Variants in TBX1 observed in about 807,000 individuals in gnomAD.
TBX1 encodes T-box transcription factor TBX1.
A neutral mutation model predicts 40.8 loss-of-function variants in TBX1; 16 were observed. That is an observed-to-expected ratio of 0.39 (90% CI 0.27 to 0.60). The LOEUF is 0.60. Among genes scored for constraint, TBX1 ranks in the 20% least tolerant of loss-of-function variants. The pLI, the probability that TBX1 is intolerant of heterozygous loss-of-function variation, is 0.51. For synonymous variants in TBX1, 403 were observed against 336.8 expected (o/e 1.20, Z -2.15); for missense variants, 755 against 728.5 (o/e 1.04, Z -0.42).
At chr22:19,768,395 C>A (rs1317341486), downstream of TBX1, among the ~76,000 whole-genome samples, 1 of 152,162 alleles carries the variant, frequency 6.6e-6, no homozygotes, top group Non-Finnish European at 1.5e-5. Flanking sequence ...AATTGAATGG[C>A]AGGAACCATT....
chr22:19,781,017 C>T (rs1453372011), downstream of TBX1, among the ~76,000 whole-genome samples: 1 of 151,974 alleles, frequency 6.6e-6, no homozygotes, highest in African/African-American at 2.4e-5. Context: ...CTCCTGACCT[C>T]GTGATCCACC....
chr22:19,774,398 G>C (rs1307223321), intron 8 of TBX1, among the ~76,000 whole-genome samples: 1 of 152,182 alleles, frequency 6.6e-6, no homozygotes, highest in African/African-American at 2.4e-5. Context: ...GAGTGACAGA[G>C]CAATATCTTG....
In TBX1 at chr22:19,766,612, G is replaced by A. The variant is rs763530229; in HGVS notation, c.1260G>A (p.Leu420=). The change falls in exon 7 of 7, where the codon CTG becomes CTA. Residue 420 remains leucine (L), a synonymous_variant. Transcript: ENST00000649276. ...RLEAPGASEP[L]HHHPYKYPAA... is the part of the protein sequence containing the mutation. ...AGGCGCCCGGCGCATCGGAGCCGCTGCACCACCACCCCTACAAATATCCGG... is the reference window on the plus strand; with the variant it reads ...AGGCGCCCGGCGCATCGGAGCCGCTACACCACCACCCCTACAAATATCCGG... 9 of 1,525,004 alleles carry A rather than the reference G, an allele frequency of 5.9e-6. No homozygotes were observed. Among genetic ancestry groups the A allele is most frequent in the Non-Finnish European group, 7.9e-6 (9 of 1,143,960 alleles). 94.5% of individuals were successfully genotyped at this position (1,525,004 alleles called of 1,614,324 possible). A position where few individuals can be genotyped will look rare whatever the true frequency, so the allele number is the denominator to read the frequency against.
Position 19,760,948 on chromosome 22 carries a change from C to T in TBX1, c.105C>T (p.Gly35=). The T allele has an allele frequency of 3.0e-6, 3 of 1,001,048 alleles. No homozygotes were observed. The highest frequency in any genetic ancestry group is 3.6e-6 in the Non-Finnish European group (3 of 839,142). The allele number at this position is 1,001,048 out of a possible 1,614,324, so 62.0% of individuals were successfully genotyped here. Residue 35 remains glycine, a synonymous_variant, in exon 1 of 7, where the codon GGC becomes GGT. Coordinates refer to ENST00000649276, the MANE Select transcript of TBX1 (RefSeq NM_001379200.1). The part of the protein sequence containing the change: ...SSLSSLGAAG[G]FPGAASPGAD... ...TGAGCAGCCTGGGGGCCGCGGGGGG[C>T]TTCCCGGGCGCCGCGTCGCCCGGCG...
rs774778199 is a variant in TBX1 at position 19,766,882 on chromosome 22, C to T, written c.*15C>T. ...GCCCCAGATAACACGGGCCCTGTCG[C>T]GCTCCCGCCCCGGTCCTGCACAGCC... On this transcript the variant is annotated 3_prime_UTR_variant, in exon 7 of 7. Coordinates refer to ENST00000649276, the MANE Select transcript of TBX1 (RefSeq NM_001379200.1). 6.3e-7 allele frequency: 1 copy of T among 1,584,610 alleles called. No individual in the cohort carries two copies. Among genetic ancestry groups the T allele is most frequent in the Non-Finnish European group, 8.5e-7 (1 of 1,173,700 alleles).
downstream of TBX1, among the ~76,000 whole-genome samples, chr22:19,767,744 G>T: frequency 6.6e-6 from 1 of 152,250 alleles, no homozygotes; most frequent in East Asian, 1.9e-4. Flanking sequence ...GCTTTTCCAT[G>T]GAAGCTGGGA....
chr22:19,780,537 C>T (rs962415770), downstream of TBX1, among the ~76,000 whole-genome samples: 1 of 152,212 alleles, frequency 6.6e-6, no homozygotes, highest in African/African-American at 2.4e-5. Context: ...ACTTGGGTTG[C>T]TCCCACCTGT....
intron 2 of TBX1, chr22:19,763,593 G>A (rs1936737923): frequency 5.5e-6 from 3 of 548,012 alleles, no homozygotes; most frequent in Admixed American, 3.1e-5. Context: ...GGGCTGGTGT[G>A]GCCCTAGGGT....
At chr22:19,782,884 G>A (rs1401584628), downstream of TBX1, 15 of 1,613,976 alleles carry the variant, frequency 9.3e-6, no homozygotes, top group Non-Finnish European at 1.3e-5. Flanking sequence ...CCCAGTGTAG[G>A]GATCTGTTTC....
intron 1 of TBX1, 93 bp downstream of exon 1, chr22:19,761,373 C>G: frequency 2.3e-6 from 3 of 1,326,790 alleles, no homozygotes; most frequent in Non-Finnish European, 2.9e-6. Flanking sequence ...GGGCCGAAAG[C>G]CGGGTCGGGG....
intron 1 of TBX1, 103 bp downstream of exon 1, chr22:19,761,383 G>A: frequency 7.8e-7 from 1 of 1,285,862 alleles, no homozygotes; most frequent in Non-Finnish European, 9.9e-7. Flanking sequence ...CCGGGTCGGG[G>A]GCGCGGCCTG....
intron 8 of TBX1, chr22:19,779,170 C>T (rs753227670): frequency 2.1e-5 from 33 of 1,603,998 alleles, no homozygotes; most frequent in Non-Finnish European, 2.7e-5. Context: ...AAGAGAGGCA[C>T]CTCTGACATG....
At chr22:19,773,808 G>A (rs1481102167) in intron 8 of TBX1, among the ~76,000 whole-genome samples, 1 of 152,236 alleles carries the variant, frequency 6.6e-6, no homozygotes, top group Admixed American at 6.5e-5. Context: ...CACCAGCGTG[G>A]TCTCCTTCCT....
Position 19,760,864 on chromosome 22 carries a change from C to T in TBX1, c.21C>T (p.Ser7=), listed in dbSNP as rs1380697846. 2.9e-6 allele frequency: 3 copies of T among 1,039,946 alleles called. No individual in the cohort carries two copies. Among genetic ancestry groups the T allele is most frequent in the Non-Finnish European group, 3.5e-6 (3 of 855,248 alleles). The allele number at this position is 1,039,946 out of a possible 1,614,324, so 64.4% of individuals were successfully genotyped here. A position where few individuals can be genotyped will look rare whatever the true frequency, so the allele number is the denominator to read the frequency against. MISAVS[S]PWLTQLSHFC... ...GGGTCATGATCTCCGCCGTGTCCAG[C>T]CCGTGGCTCACGCAGCTCTCGCATT... The change falls in exon 1 of 7, where the codon AGC becomes AGT. Residue 7 remains serine, a synonymous_variant. Transcript: ENST00000649276.
chr22:19,758,234 A>G (rs1341673475), upstream of TBX1, among the ~76,000 whole-genome samples: 1 of 152,180 alleles, frequency 6.6e-6, no homozygotes, highest in Non-Finnish European at 1.5e-5. Flanking sequence ...AGCATGCACA[A>G]GCGAAGGCTG....
Position 19,765,959 on chromosome 22 carries a change from G to A in TBX1, c.993G>A (p.Arg331=), listed in dbSNP as rs1188609141. ...TCATGAGCGCCTTCGCGCGCTCGCG[G>A]AACCCCGTGGCTTCCCCGACGCAGC... ...LPLMSAFARS[R]NPVASPTQPS... Residue 331 remains arginine, a synonymous_variant, in exon 6 of 7, where the codon CGG becomes CGA. Coordinates refer to ENST00000649276, the MANE Select transcript of TBX1 (RefSeq NM_001379200.1). The A allele has an allele frequency of 1.3e-6, 2 of 1,520,162 alleles. No homozygotes were observed. The highest frequency in any genetic ancestry group is 2.1e-5 in the Admixed American group (1 of 48,712). The allele number at this position is 1,520,162 out of a possible 1,614,324, so 94.2% of individuals were successfully genotyped here.
intron 6 of TBX1, 60 bp downstream of exon 6, chr22:19,766,062 C>A (rs1466909014): frequency 4.5e-6 from 6 of 1,347,266 alleles, no homozygotes; most frequent in Non-Finnish European, 5.8e-6. Context: ...CCCGGGCCGG[C>A]GGCCTCGCCC....
intron 8 of TBX1, among the ~76,000 whole-genome samples, chr22:19,773,511 C>A (rs1015196772): frequency 2.0e-5 from 3 of 152,188 alleles, no homozygotes; most frequent in Non-Finnish European, 4.4e-5. Flanking sequence ...GTGTGGGCTT[C>A]CTTGGAGGAC....
At position 19,765,059 on chromosome 22, in the gene TBX1, C is replaced by A. The variant is rs989667101; in HGVS notation, c.813C>A (p.Thr271=). 6.2e-7 allele frequency: 1 copy of A among 1,614,216 alleles called. No individual in the cohort carries two copies. The highest frequency in any genetic ancestry group is 1.7e-5 in the Admixed American group (1 of 60,030). The change falls in exon 4 of 7, where the codon ACC becomes ACA. Residue 271 remains threonine, a synonymous_variant. Coordinates refer to ENST00000649276, the MANE Select transcript of TBX1 (RefSeq NM_001379200.1). Reference sequence around the variant, plus strand: ...AATATGCCGAGGAGAACTTCAAAACCTTTGTGTTCGAGGAGACACGATTCA... The same window carrying A: ...AATATGCCGAGGAGAACTTCAAAACATTTGTGTTCGAGGAGACACGATTCA... ...SEKYAEENFK[T]FVFEETRFTA...
Sources: gnomAD v4.1 joint callset for allele counts (sites outside exome capture counted in the v4.1 genomes callset) on GRCh38, gnomAD v4.1.1 for gene constraint, MANE v1.5 for transcripts, NCBI Gene and HGNC (gene_info 2026-07-23, HGNC 2026-07-21) for gene names.